The following GPCPD1 variants were observed in gnomAD, a reference collection of about 807,000 sequenced individuals.
The protein encoded by GPCPD1 is glycerophosphocholine phosphodiesterase GPCPD1.
GPCPD1 carries 29 observed loss-of-function variants against 89.2 expected under a neutral mutation model. The observed-to-expected ratio is 0.33, with a 90% CI of 0.24 to 0.44. The LOEUF (loss-of-function observed/expected upper bound fraction) is 0.44, where lower values mean the gene tolerates loss of function less well. Among genes scored for constraint, GPCPD1 ranks in the 20% least tolerant of loss-of-function variants. GPCPD1 has a pLI of 1.00. For missense variants in GPCPD1, 594 were observed against 808.9 expected, an observed-to-expected ratio of 0.73 and a Z score of 3.22; for synonymous variants, 258 against 266.3, an observed-to-expected ratio of 0.97 and a Z score of 0.30.
At position 5,567,543 on chromosome 20, in the gene GPCPD1, TG is replaced by T; in HGVS notation, c.1166del (p.Pro389GlnfsTer9). The T allele has an allele frequency of 6.6e-7, 1 of 1,516,982 alleles. No individual in the cohort carries two copies. Among genetic ancestry groups the T allele is most frequent in the Non-Finnish European group, 8.8e-7 (1 of 1,139,708 alleles). The allele number at this position is 1,516,982 out of a possible 1,614,324, so 94.0% of individuals were successfully genotyped here. On this transcript the variant is annotated frameshift_variant, in exon 13 of 20. Coordinates refer to ENST00000379019, the MANE Select transcript of GPCPD1 (RefSeq NM_019593.5). LOFTEE classifies it high-confidence loss of function. The stretch of plus-strand genomic sequence containing the variant: ...TTACTGGAATTTCAAATAATTCAAC[TG>T]GATCAGCATCAAATTTCTAAAAAAA... Reference protein sequence around the residue: ...LTMKKKFDADPVELFEIPVKE... With the variant: ...LTMKKKFDADXVELFEIPVKE...
At chr20:5,597,860 C>T (rs1003065388) in intron 3 of GPCPD1, among the ~76,000 whole-genome samples, 1 of 152,246 alleles carries the variant, frequency 6.6e-6, no homozygotes. Flanking sequence ...GGATTCAATG[C>T]CACTAGTGAA....
chr20:5,605,511 G>A (rs1285313485), intron 1 of GPCPD1, among the ~76,000 whole-genome samples: 1 of 152,140 alleles, frequency 6.6e-6, no homozygotes, highest in African/African-American at 2.4e-5. Context: ...CAGGCAAGTG[G>A]CTCACACCTG....
At chr20:5,559,603 T>G (rs1205331888) in intron 17 of GPCPD1, among the ~76,000 whole-genome samples, 2 of 152,092 alleles carry the variant, frequency 1.3e-5, no homozygotes, top group Non-Finnish European at 2.9e-5. Context: ...TAATAAAAGA[T>G]AAATACAAAT....
chr20:5,604,664 G>A (rs1980442570), intron 1 of GPCPD1, among the ~76,000 whole-genome samples: 1 of 136,352 alleles, frequency 7.3e-6, no homozygotes, highest in African/African-American at 2.7e-5. Context: ...AATAAACCAG[G>A]CACAGTGCCT....
intron 19 of GPCPD1, 149 bp downstream of exon 19, chr20:5,557,796 A>G: frequency 1.7e-6 from 1 of 574,156 alleles, no homozygotes; most frequent in Non-Finnish European, 3.1e-6. Flanking sequence ...TATCCTTCAA[A>G]CTTTGAAAAC....
At chr20:5,601,877 T>G (rs1354729871) in intron 2 of GPCPD1, among the ~76,000 whole-genome samples, 2 of 151,590 alleles carry the variant, frequency 1.3e-5, no homozygotes. Context: ...TTCTGCTGAT[T>G]CCAGGGGAAT....
At chr20:5,550,283 C>CAA (rs11476159) in intron 19 of GPCPD1, among the ~76,000 whole-genome samples, 123 of 76,006 alleles carry the variant, frequency 1.6e-3, no homozygotes, top group East Asian at 3.1e-3. Flanking sequence ...TCAAATGAAG[C>CAA]AAAAAAAAAA....
intron 19 of GPCPD1, among the ~76,000 whole-genome samples, chr20:5,557,737 T>C (rs1985855862): frequency 6.6e-6 from 1 of 152,156 alleles, no homozygotes; most frequent in African/African-American, 2.4e-5. Flanking sequence ...TATATCTGAG[T>C]TAAGGCCCAG....
chr20:5,574,253 C>T, intron 10 of GPCPD1: 3 of 358,760 alleles, frequency 8.4e-6, no homozygotes, highest in Non-Finnish European at 1.5e-5. Context: ...GTAAAGTGAT[C>T]AATAAAAACA....
chr20:5,604,398 C>T lies in GPCPD1; in HGVS notation c.15G>A (p.Gln5=), dbSNP rs928830780. ...GAGTTCCTCTTATTTCAAAGGCAAC[C>T]TGAGAAGGTGTCATTCTGATGGATT... The part of the protein sequence containing the change: MTPS[Q]VAFEIRGTLL... The change falls in exon 2 of 20, where the codon CAG becomes CAA. Residue 5 remains glutamine, a synonymous_variant. Transcript: ENST00000379019. 1 of 1,566,774 alleles carries T rather than the reference C, an allele frequency of 6.4e-7. No homozygotes were observed.
Position 5,573,951 on chromosome 20 carries a change from T to C in GPCPD1, c.1020A>G (p.Glu340=). ...CATTTCTTAAAGAAGCAATAGTATT[T>C]TCTTGAACTTTAGCCAGCCTGAAAA... ...TTTAQLAKVQ[E]NTIASLRNAA... The change falls in exon 11 of 20, where the codon GAA becomes GAG. Residue 340 remains glutamate, a synonymous_variant. Coordinates refer to ENST00000379019, the MANE Select transcript of GPCPD1 (RefSeq NM_019593.5). 6.6e-7 allele frequency: 1 copy of C among 1,515,112 alleles called. No homozygotes were observed. Among genetic ancestry groups the C allele is most frequent in the Non-Finnish European group, 9.2e-7 (1 of 1,089,686 alleles). 93.9% of individuals were successfully genotyped at this position (1,515,112 alleles called of 1,614,324 possible).
At chr20:5,582,210 A>C (rs1004598347) in intron 6 of GPCPD1, among the ~76,000 whole-genome samples, 25 of 146,308 alleles carry the variant, frequency 1.7e-4, no homozygotes, top group Non-Finnish European at 1.1e-4. Context: ...AAAAAAAAAA[A>C]AAAAAAAAAC....
Position 5,578,448 on chromosome 20 carries a change from G to A in GPCPD1, c.637C>T (p.Arg213Cys). Reference sequence around the variant, plus strand: ...GTCTGTATGCTGTACTCTGTCCAACGATCAGGCTGCAAGCCATAACCACAC... The same window carrying A: ...GTCTGTATGCTGTACTCTGTCCAACAATCAGGCTGCAAGCCATAACCACAC... ...PECGYGLQPD[R>C]WTEYSIQTME... Residue 213 changes from arginine (R) to cysteine (C), a missense_variant, in exon 8 of 20, where the codon CGT becomes TGT. Physicochemically the swap from Arg to Cys is radical, Grantham distance 180 (BLOSUM62 -3). Coordinates refer to ENST00000379019, the MANE Select transcript of GPCPD1 (RefSeq NM_019593.5). 1 of 1,614,000 alleles carries A rather than the reference G, an allele frequency of 6.2e-7. No homozygotes were observed. Among genetic ancestry groups the A allele is most frequent in the Non-Finnish European group, 8.5e-7 (1 of 1,179,896 alleles).
intron 15 of GPCPD1, among the ~76,000 whole-genome samples, chr20:5,562,636 T>C (rs568931834): frequency 6.6e-6 from 1 of 152,304 alleles, no homozygotes; most frequent in African/African-American, 2.4e-5. Context: ...ATAGCACATA[T>C]GGTATTTAAT....
Position 5,552,688 on chromosome 20 carries a change from G to A in GPCPD1, c.1830-4838C>T, listed in dbSNP as rs554291537. ...AAATTAGTTGGAAATGCTGAAGAGC[G>A]CTATGCGTCACTCATGCTATTTCAT... On this transcript the variant is annotated intron_variant, in intron 19 of 19. Transcript: ENST00000379019. 1.3e-3 allele frequency among the ~76,000 whole-genome samples: 191 copies of A among 152,252 alleles called. 2 individuals are homozygous for A. Among genetic ancestry groups the A allele is most frequent in the African/African-American group, 4.3e-3 (177 of 41,540 alleles).
At chr20:5,584,536 A>G in intron 5 of GPCPD1, 1 of 313,536 alleles carries the variant, frequency 3.2e-6, no homozygotes, top group South Asian at 5.9e-5. Flanking sequence ...TACTTCGTTG[A>G]TTGTCCATTA....
chr20:5,589,686 A>AT (rs1305252426), intron 4 of GPCPD1, among the ~76,000 whole-genome samples: 2 of 152,214 alleles, frequency 1.3e-5, no homozygotes, highest in Admixed American at 6.5e-5. Context: ...CCTTTCATTT[A>AT]TTTTTTAATC....
chr20:5,587,602 G>A (rs1337394864), intron 4 of GPCPD1, among the ~76,000 whole-genome samples: 6 of 152,094 alleles, frequency 3.9e-5, no homozygotes, highest in East Asian at 1.9e-4. Flanking sequence ...TCCTAACCTC[G>A]TGATCCACCC....
At position 5,578,410 on chromosome 20, in the gene GPCPD1, A is replaced by G. The variant is rs147842763; in HGVS notation, c.675T>C (p.Asp225=). The change falls in exon 8 of 20, where the codon GAT becomes GAC. Residue 225 remains aspartate, a synonymous_variant. Transcript: ENST00000379019. ...AAAAATCAAAGATTAGTTCCAGGTT[A>G]TCTGGTTCCATCGTCTGTATGCTGT... ...TEYSIQTMEP[D]NLELIFDFFE... The G allele has an allele frequency of 3.7e-6, 6 of 1,612,618 alleles. No homozygotes were observed. The highest frequency in any genetic ancestry group is 5.1e-6 in the Non-Finnish European group (6 of 1,178,700).
Sources: allele counts gnomAD v4.1 joint callset (sites outside exome capture counted in the v4.1 genomes callset), GRCh38; gene constraint gnomAD v4.1.1; transcripts MANE v1.5; gene names NCBI Gene and HGNC (gene_info 2026-07-23, HGNC 2026-07-21).